PSEN1: variants seen among roughly 807,000 people sequenced by gnomAD.
PSEN1 encodes the protein presenilin 1.
PSEN1 carries 15 observed loss-of-function variants against 53.5 expected under a neutral mutation model. The observed-to-expected ratio is 0.28, with a 90% CI of 0.19 to 0.43. PSEN1 has a LOEUF of 0.43. PSEN1 is among the 20% of genes least tolerant of loss of function. The pLI is 1.00. For synonymous variants in PSEN1, 208 were observed against 209.8 expected, an observed-to-expected ratio of 0.99 and a Z score of 0.08; for missense variants, 387 against 571.2, an observed-to-expected ratio of 0.68 and a Z score of 3.29.
At chr14:73,150,850 A>G (rs1897200322) in intron 3 of PSEN1, among the ~76,000 whole-genome samples, 1 of 151,414 alleles carries the variant, frequency 6.6e-6, no homozygotes, top group Non-Finnish European at 1.5e-5. Context: ...AGGGCGGATC[A>G]CGAGGTCAAG....
chr14:73,160,014 A>C (rs1255281900), intron 3 of PSEN1: 1 of 228,224 alleles, frequency 4.4e-6, no homozygotes, highest in Admixed American at 4.8e-5. Context: ...TGTAGAGACG[A>C]GTTCTCGCCA....
intron 3 of PSEN1, among the ~76,000 whole-genome samples, chr14:73,151,482 G>T (rs1897222251): frequency 1.3e-5 from 2 of 152,120 alleles, no homozygotes. Flanking sequence ...AAAAATAAGA[G>T]AAGAAAAGCA....
At chr14:73,145,294 A>G (rs1212404939) in intron 1 of PSEN1, among the ~76,000 whole-genome samples, 1 of 151,918 alleles carries the variant, frequency 6.6e-6, no homozygotes. Context: ...ATTATATGAG[A>G]GTTCTATGGG....
intron 3 of PSEN1, among the ~76,000 whole-genome samples, chr14:73,156,342 C>A (rs1173258825): frequency 1.3e-5 from 2 of 151,336 alleles, no homozygotes; most frequent in Non-Finnish European, 2.9e-5. Flanking sequence ...GGCAACACAG[C>A]CAGACTCGGT....
chr14:73,164,327 A>G lies in PSEN1; in HGVS notation c.88-6470A>G, dbSNP rs879725950. Among the ~76,000 whole-genome samples the G allele has an allele frequency of 5.9e-5, 9 of 152,170 alleles. No homozygotes were observed. The East Asian group carries it at 1.7e-3, about 29-fold the overall frequency. ...ATTTTCTAATTCCATAGTGCCGACG[A>G]TTTTCTATTGATAGACTAAAAATGT... On this transcript the variant is annotated intron_variant, in intron 3 of 11. Coordinates refer to ENST00000324501, the MANE Select transcript of PSEN1 (RefSeq NM_000021.4).
rs549176770 is a variant in PSEN1, at chr14:73,163,974, G to C, written c.88-6823G>C. 1.7e-3 allele frequency among the ~76,000 whole-genome samples: 256 copies of C among 152,136 alleles called. 2 individuals carry two copies. The highest frequency in any genetic ancestry group is 5.7e-3 in the African/African-American group (235 of 41,510). On this transcript the variant is annotated intron_variant, in intron 3 of 11. Transcript: ENST00000324501. ...TGGCTGTAGTGTGGAGAATGGACTA[G>C]GGGAGCATAAAAGCAGAAAGACCAA... is the stretch of plus-strand genomic sequence containing the variant.
At chr14:73,193,457 A>G (rs1439974803) in intron 7 of PSEN1, among the ~76,000 whole-genome samples, 3 of 150,724 alleles carry the variant, frequency 2.0e-5, no homozygotes, top group Admixed American at 6.6e-5. Context: ...AGGCAGGAGA[A>G]TTATTTGAAC....
rs1172187175 is a variant in PSEN1 at position 73,211,750 on chromosome 14, C to T, written c.956-19C>T. ...ATTTTTCTAAATATTAGAGCTGTAA[C>T]TTCCACTTTCTCTTGAAGGCACAGA... On this transcript the variant is annotated intron_variant, in intron 9 of 11. Coordinates refer to ENST00000324501, the MANE Select transcript of PSEN1 (RefSeq NM_000021.4). The T allele has an allele frequency of 6.2e-7, 1 of 1,613,716 alleles. No individual in the cohort carries two copies. Among genetic ancestry groups the T allele is most frequent in the Admixed American group, 1.7e-5 (1 of 60,002 alleles).
chr14:73,202,462 A>ATATATAT (rs1466249857), intron 8 of PSEN1, among the ~76,000 whole-genome samples: 1 of 11,532 alleles, frequency 8.7e-5, no homozygotes, highest in Non-Finnish European at 1.3e-4. Context: ...ATATATATAT[A>ATATATAT]TTTTTTTTTT....
At chr14:73,183,149 G>A (rs187161582) in intron 5 of PSEN1, among the ~76,000 whole-genome samples, 1 of 152,024 alleles carries the variant, frequency 6.6e-6, no homozygotes, top group Non-Finnish European at 1.5e-5. Context: ...ATGGAGTCTC[G>A]CTCTGTTGCT....
intron 6 of PSEN1, among the ~76,000 whole-genome samples, chr14:73,190,288 G>A (rs764516732): frequency 1.5e-4 from 23 of 151,796 alleles, no homozygotes; most frequent in Non-Finnish European, 3.1e-4. Context: ...AGGGGTTCTA[G>A]ACCATCCTGG....
intron 1 of PSEN1, chr14:73,138,086 T>A: frequency 6.6e-6 from 1 of 150,862 alleles, no homozygotes; most frequent in South Asian, 2.1e-4. Flanking sequence ...AAAAAAAACC[T>A]GTTTTGTTTT....
chr14:73,155,929 T>G (rs1897341348), intron 3 of PSEN1, among the ~76,000 whole-genome samples: 1 of 152,180 alleles, frequency 6.6e-6, no homozygotes, highest in Non-Finnish European at 1.5e-5. Flanking sequence ...TGTAGGTTCA[T>G]CTGTTGTAAC....
At chr14:73,212,466 T>C (rs539230182) in intron 10 of PSEN1, among the ~76,000 whole-genome samples, 1 of 152,306 alleles carries the variant, frequency 6.6e-6, no homozygotes, top group East Asian at 1.9e-4. Context: ...ATTTATTTTA[T>C]AAAGTAAAAG....
chr14:73,164,664 C>T (rs1837517747), intron 3 of PSEN1, among the ~76,000 whole-genome samples: 1 of 152,116 alleles, frequency 6.6e-6, no homozygotes, highest in Non-Finnish European at 1.5e-5. Context: ...TAGTCTGACC[C>T]CAGAACTTGG....
chr14:73,207,358 A>G (rs1020038460), intron 9 of PSEN1, among the ~76,000 whole-genome samples: 1 of 152,186 alleles, frequency 6.6e-6, no homozygotes, highest in Admixed American at 6.5e-5. Context: ...ATAACAGCAC[A>G]ATATAAATAG....
intron 3 of PSEN1, among the ~76,000 whole-genome samples, chr14:73,156,662 TTTG>T (rs1310948013): frequency 4.0e-5 from 6 of 151,742 alleles, no homozygotes; most frequent in Admixed American, 3.3e-4. Context: ...AATAAAAAGT[TTTG>T]TTTGTTTTTT....
intron 8 of PSEN1, among the ~76,000 whole-genome samples, chr14:73,199,053 G>A (rs1899071266): frequency 6.6e-6 from 1 of 152,174 alleles, no homozygotes; most frequent in South Asian, 2.1e-4. Flanking sequence ...TGAGTTACAG[G>A]TGTGAGCTAC....
chr14:73,222,640 G>A lies in PSEN1; in HGVS notation c.*3351G>A, dbSNP rs568059744. 6.6e-6 allele frequency: 1 copy of A among 152,210 alleles called. No homozygotes were observed. Among genetic ancestry groups the A allele is most frequent in the Non-Finnish European group, 1.5e-5 (1 of 68,030 alleles). 9.4% of individuals were successfully genotyped at this position (152,210 alleles called of 1,614,324 possible). On this transcript the variant is annotated 3_prime_UTR_variant, in exon 12 of 12. Transcript: ENST00000324501. ...TTCTGGAGTCTGAGGATGCAAAGATGAATAAGATAAATTCTCAGAATGTAG... is the reference window on the plus strand; with the variant it reads ...TTCTGGAGTCTGAGGATGCAAAGATAAATAAGATAAATTCTCAGAATGTAG...
Sources: allele counts gnomAD v4.1 joint callset (sites outside exome capture counted in the v4.1 genomes callset), GRCh38; gene constraint gnomAD v4.1.1; transcripts MANE v1.5; gene names NCBI Gene and HGNC (gene_info 2026-07-23, HGNC 2026-07-21).